Variants in NTRK2 observed in about 807,000 individuals in gnomAD.
NTRK2 encodes the protein neurotrophic receptor tyrosine kinase 2.
Under a neutral mutation model 94.5 loss-of-function variants are expected in NTRK2, and 13 were observed. The ratio of observed to expected loss-of-function variants is 0.14; its 90% CI spans 0.09 to 0.22. The LOEUF (loss-of-function observed/expected upper bound fraction) is 0.22. Ranked by LOEUF, NTRK2 falls within the 10% of genes least tolerant of loss-of-function variation. The pLI, the probability that NTRK2 is intolerant of heterozygous loss-of-function variation, is 1.00. For synonymous variants in NTRK2, 372 were observed against 407.4 expected, an observed-to-expected ratio of 0.91 and a Z score of 1.05; for missense variants, 639 against 1,071.2, an observed-to-expected ratio of 0.60 and a Z score of 5.63.
intron 13 of NTRK2, among the ~76,000 whole-genome samples, chr9:84,866,683 T>G (rs2075610348): frequency 6.6e-6 from 1 of 152,180 alleles, no homozygotes. Flanking sequence ...CTCAAAATGT[T>G]AAATATAGAG....
intron 14 of NTRK2, among the ~76,000 whole-genome samples, chr9:84,918,936 T>C (rs1050355038): frequency 2.0e-5 from 3 of 152,218 alleles, no homozygotes; most frequent in African/African-American, 7.2e-5. Flanking sequence ...GCTATTTAGA[T>C]AATGCCATTC....
chr9:84,923,847 C>T (rs774786801), intron 14 of NTRK2, among the ~76,000 whole-genome samples: 1 of 151,974 alleles, frequency 6.6e-6, no homozygotes, highest in Non-Finnish European at 1.5e-5. Flanking sequence ...TCGCAGTGAA[C>T]TGAGATCGCG....
intron 14 of NTRK2, among the ~76,000 whole-genome samples, chr9:84,879,068 A>C (rs28412453): frequency 2.0e-5 from 3 of 152,126 alleles, no homozygotes; most frequent in African/African-American, 7.2e-5. Flanking sequence ...TCATCTTCTC[A>C]CTACATTTTT....
intron 9 of NTRK2, among the ~76,000 whole-genome samples, chr9:84,734,714 G>A (rs1000944152): frequency 3.3e-5 from 5 of 152,118 alleles, no homozygotes; most frequent in African/African-American, 7.2e-5. Context: ...CATGTAAGAC[G>A]TGTCTTGCTT....
At chr9:84,762,225 T>C (rs143865533) in intron 12 of NTRK2, among the ~76,000 whole-genome samples, 1 of 152,232 alleles carries the variant, frequency 6.6e-6, no homozygotes, top group Admixed American at 6.5e-5. Context: ...AACAGACTAA[T>C]AAACAAGGGT....
At chr9:84,752,871 A>C (rs1372775378) in intron 12 of NTRK2, among the ~76,000 whole-genome samples, 2 of 152,184 alleles carry the variant, frequency 1.3e-5, no homozygotes, top group Non-Finnish European at 2.9e-5. Flanking sequence ...ACACTATTTA[A>C]AAGTGTCTAA....
intron 2 of NTRK2, among the ~76,000 whole-genome samples, chr9:84,694,577 A>G (rs964613590): frequency 3.3e-5 from 5 of 152,152 alleles, no homozygotes; most frequent in Non-Finnish European, 5.9e-5. Flanking sequence ...ACTGACTTTC[A>G]AAACTCTTTC....
intron 14 of NTRK2, among the ~76,000 whole-genome samples, chr9:84,890,208 A>T (rs186810294): frequency 6.6e-6 from 1 of 152,222 alleles, no homozygotes; most frequent in East Asian, 1.9e-4. Context: ...CTTAGGTCAC[A>T]CTAGGTCACT....
At chr9:84,887,785 G>T (rs999969883) in intron 14 of NTRK2, among the ~76,000 whole-genome samples, 3 of 152,136 alleles carry the variant, frequency 2.0e-5, no homozygotes, top group African/African-American at 7.2e-5. Context: ...CAGCTTTCTG[G>T]CTTGGACCCC....
At chr9:84,864,271 T>C (rs952133783) in intron 13 of NTRK2, among the ~76,000 whole-genome samples, 2 of 152,042 alleles carry the variant, frequency 1.3e-5, no homozygotes, top group African/African-American at 4.8e-5. Flanking sequence ...TTGCTGGATC[T>C]CTGACAGCAC....
At chr9:84,681,257 C>T (rs1378463097) in intron 2 of NTRK2, among the ~76,000 whole-genome samples, 1 of 152,108 alleles carries the variant, frequency 6.6e-6, no homozygotes, top group Non-Finnish European at 1.5e-5. Flanking sequence ...TTCATTGTTG[C>T]CCCAAACCCA....
At chr9:84,922,856 G>A (rs2077612927) in intron 14 of NTRK2, among the ~76,000 whole-genome samples, 1 of 152,224 alleles carries the variant, frequency 6.6e-6, no homozygotes, top group Non-Finnish European at 1.5e-5. Context: ...AGGTTGGTTT[G>A]AAAGGTTTTG....
At chr9:84,924,799 T>C (rs1246481273) in intron 14 of NTRK2, among the ~76,000 whole-genome samples, 1 of 152,184 alleles carries the variant, frequency 6.6e-6, no homozygotes, top group Non-Finnish European at 1.5e-5. Context: ...TATGGACACT[T>C]GCTCTCATTT....
intron 3 of NTRK2, 31 bp downstream of exon 3, chr9:84,702,264 C>G (rs2060778855): frequency 6.2e-7 from 1 of 1,612,546 alleles, no homozygotes; most frequent in Non-Finnish European, 8.5e-7. Flanking sequence ...CACATTATCT[C>G]AGAGAATTTT....
rs1009672124 is a variant in NTRK2 at position 84,754,608 on chromosome 9, G to A, written c.1396+2523G>A. On this transcript the variant is annotated intron_variant, in intron 12 of 18. Transcript: ENST00000277120. The stretch of plus-strand genomic sequence containing the variant: ...AATGTAAAAACACTATTATGCTTCC[G>A]AAAATAACCAGGCAATGTATTAGTT... Among the ~76,000 whole-genome samples the A allele has an allele frequency of 3.9e-5, 6 of 152,286 alleles. No homozygotes were observed. The South Asian group carries it at 8.3e-4, about 21-fold the overall frequency.
chr9:84,934,016 G>C, intron 14 of NTRK2, 146 bp from the exon 15 acceptor site: 1 of 817,502 alleles, frequency 1.2e-6, no homozygotes, highest in Non-Finnish European at 2.1e-6. Flanking sequence ...GGACTGTGAA[G>C]ATGGACACCC....
At position 84,727,635 on chromosome 9, in the gene NTRK2, T is replaced by C; in HGVS notation, c.854-19T>C. The stretch of plus-strand genomic sequence containing the variant: ...TTCTGAGCTTTCTGATGCTATTAAC[T>C]CTCTCTTTTTCAATTTAGTTGCACC... On this transcript the variant is annotated intron_variant, in intron 8 of 18. Transcript: ENST00000277120. 1 of 1,610,878 alleles carries C rather than the reference T, an allele frequency of 6.2e-7. No homozygotes were observed. Among genetic ancestry groups the C allele is most frequent in the Non-Finnish European group, 8.5e-7 (1 of 1,178,908 alleles).
At chr9:84,876,763 A>G in intron 14 of NTRK2, 1 of 1,061,566 alleles carries the variant, frequency 9.4e-7, no homozygotes. Flanking sequence ...AGAAACAATT[A>G]TCAATACATG....
At chr9:84,885,803 G>A (rs907582330) in intron 14 of NTRK2, among the ~76,000 whole-genome samples, 4 of 152,114 alleles carry the variant, frequency 2.6e-5, no homozygotes, top group Non-Finnish European at 4.4e-5. Flanking sequence ...CGAGGCAGGC[G>A]GATTATGAGG....
Sources: allele counts gnomAD v4.1 joint callset (sites outside exome capture counted in the v4.1 genomes callset), GRCh38; gene constraint gnomAD v4.1.1; transcripts MANE v1.5; gene names NCBI Gene and HGNC (gene_info 2026-07-23, HGNC 2026-07-21).